PCDHGA12: variants seen among roughly 807,000 people sequenced by gnomAD.
PCDHGA12 encodes the protein protocadherin gamma-A12.
Under a neutral mutation model 61.1 loss-of-function variants are expected in PCDHGA12, and 43 were observed. That is an observed-to-expected ratio of 0.70 (90% confidence interval 0.55 to 0.91). The LOEUF is 0.91. PCDHGA12 is among the 40% of genes least tolerant of loss of function. The probability of loss-of-function intolerance (pLI) is 0.00; values close to 1 mark genes in which losing one functional copy is unlikely to be tolerated. For missense variants in PCDHGA12, 1,236 were observed against 1,227.7 expected (o/e 1.01, Z -0.10); for synonymous variants, 520 against 542.9 (o/e 0.96, Z 0.59).
In PCDHGA12 at chr5:141,490,761, G is replaced by GTA. The variant is rs1380770489; in HGVS notation, c.2425-4044_2425-4043dup. The GTA allele has an allele frequency of 6.2e-7, 1 of 1,614,048 alleles. No individual in the cohort carries two copies. The highest frequency in any genetic ancestry group is 1.3e-5 in the African/African-American group (1 of 74,920). On this transcript the variant is annotated intron_variant, in intron 1 of 3. Coordinates refer to ENST00000252085, the MANE Select transcript of PCDHGA12 (RefSeq NM_003735.3). The surrounding 1 kb of genome is among the most constrained non-coding windows in gnomAD (Gnocchi z 5.4). ...AGGGAGCCCCAGCCTCCTCCTTTGT[G>GTA]TATGTCAACCCAGAGGATGGACGGA...
At chr5:141,470,548 A>G (rs2099232978) in intron 1 of PCDHGA12, among the ~76,000 whole-genome samples, 1 of 152,182 alleles carries the variant, frequency 6.6e-6, no homozygotes, top group Non-Finnish European at 1.5e-5. Context: ...ATATTTATTG[A>G]GAGTTTCCTC....
chr5:141,491,855 G>A lies in PCDHGA12; in HGVS notation c.2425-2952G>A. ...TTCTCGGGATCATTGGACCGTTTGC[G>A]CGAAACCAGAGTGGCCGATTAAGGG... On this transcript the variant is annotated intron_variant, in intron 1 of 3. Coordinates refer to ENST00000252085, the MANE Select transcript of PCDHGA12 (RefSeq NM_003735.3). The surrounding 1 kb of genome is among the most constrained non-coding windows in gnomAD (Gnocchi z 6.9). The A allele has an allele frequency of 2.7e-6, 4 of 1,459,380 alleles. No individual in the cohort carries two copies. The highest frequency in any genetic ancestry group is 3.6e-6 in the Non-Finnish European group (4 of 1,103,492). The allele number at this position is 1,459,380 out of a possible 1,614,324, so 90.4% of individuals were successfully genotyped here. A position where few individuals can be genotyped will look rare whatever the true frequency, so the allele number is the denominator to read the frequency against.
chr5:141,471,637 T>G (rs1284100810), intron 1 of PCDHGA12: 1 of 152,198 alleles, frequency 6.6e-6, no homozygotes, highest in Non-Finnish European at 1.5e-5. Context: ...TATGGATTAG[T>G]AATATACTGG....
chr5:141,431,020 G>A lies in PCDHGA12; in HGVS notation c.261G>A (p.Ala87=), dbSNP rs941765907. The change falls in exon 1 of 4, where the codon GCG becomes GCA. Residue 87 remains alanine (A), a synonymous_variant. Transcript: ENST00000252085. This position sits in a 1 kb window ranked among gnomAD's most constrained non-coding sequence, Gnocchi z 4.8. ...CGCGCAGCGGCAGCTTGGTCACGGC[G>A]GGCAGGATAGACCGGGAGGAGCTCT... The part of the protein sequence containing the change: ...LNPRSGSLVT[A]GRIDREELCM... The A allele has an allele frequency of 9.9e-6, 16 of 1,614,050 alleles. No homozygotes were observed. Among genetic ancestry groups the A allele is most frequent in the East Asian group, 4.5e-5 (2 of 44,886 alleles).
At position 141,476,786 on chromosome 5, in the gene PCDHGA12, C is replaced by G. The variant is rs2099398607; in HGVS notation, c.2425-18021C>G. 3.1e-6 allele frequency: 5 copies of G among 1,613,444 alleles called. No individual in the cohort carries two copies. The highest frequency in any genetic ancestry group is 1.7e-5 in the Admixed American group (1 of 60,000). ...GGCGTTGGACGGAGGGACCCCAGCTCTCTCCGCCAGCCTGCCTATTCACAT... is the reference window on the plus strand; with the variant it reads ...GGCGTTGGACGGAGGGACCCCAGCTGTCTCCGCCAGCCTGCCTATTCACAT... On this transcript the variant is annotated intron_variant, in intron 1 of 3. Coordinates refer to ENST00000252085, the MANE Select transcript of PCDHGA12 (RefSeq NM_003735.3). The surrounding 1 kb of genome is among the most constrained non-coding windows in gnomAD (Gnocchi z 7.6).
rs1353509218 is a variant in PCDHGA12, at chr5:141,512,908, TTTATACTC to T, written c.*1737_*1744del. ...CCCTCTTCCTGTGTCTCACGCAAGTTTTATACTCTAATATTTATATGGCTTTTTTTCTT... is the reference window on the plus strand; with the variant it reads ...CCCTCTTCCTGTGTCTCACGCAAGTTTAATATTTATATGGCTTTTTTTCTT... On this transcript the variant is annotated 3_prime_UTR_variant, in exon 4 of 4. Transcript: ENST00000252085. 6.6e-6 allele frequency: 1 copy of T among 152,268 alleles called. No individual in the cohort carries two copies. Among genetic ancestry groups the T allele is most frequent in the Non-Finnish European group, 1.5e-5 (1 of 68,054 alleles). 9.4% of individuals were successfully genotyped at this position (152,268 alleles called of 1,614,324 possible).
In PCDHGA12 at chr5:141,477,453, A is replaced by T; in HGVS notation, c.2425-17354A>T. On this transcript the variant is annotated intron_variant, in intron 1 of 3. Transcript: ENST00000252085. This position sits in a 1 kb window ranked among gnomAD's most constrained non-coding sequence, Gnocchi z 4.9. Reference sequence around the variant, plus strand: ...TCAGCCCTTACAATAGTGCGTGTTCAAGTGTCCGACATCAATGACAACCCT... The same window carrying T: ...TCAGCCCTTACAATAGTGCGTGTTCTAGTGTCCGACATCAATGACAACCCT... The T allele has an allele frequency of 6.2e-7, 1 of 1,614,136 alleles. No homozygotes were observed. The highest frequency in any genetic ancestry group is 8.5e-7 in the Non-Finnish European group (1 of 1,180,026).
At chr5:141,471,095 C>T (rs1266802067) in intron 1 of PCDHGA12, among the ~76,000 whole-genome samples, 1 of 144,764 alleles carries the variant, frequency 6.9e-6, no homozygotes, top group East Asian at 2.0e-4. Context: ...GTTGTCCAGG[C>T]TAGAGTGCAG....
Position 141,432,403 on chromosome 5 carries a change from G to A in PCDHGA12, c.1644G>A (p.Leu548=), listed in dbSNP as rs1279890312. The A allele has an allele frequency of 6.2e-7, 1 of 1,614,242 alleles. No homozygotes were observed. The highest frequency in any genetic ancestry group is 8.5e-7 in the Non-Finnish European group (1 of 1,180,052). Residue 548 remains leucine (L), a synonymous_variant, in exon 1 of 4, where the codon TTG becomes TTA. Coordinates refer to ENST00000252085, the MANE Select transcript of PCDHGA12 (RefSeq NM_003735.3). The surrounding 1 kb of genome is among the most constrained non-coding windows in gnomAD (Gnocchi z 6.0). ...CGCCCCTCAGCAGCAACGTGTCGTT[G>A]AGCCTGTTCGTGCTGGACCAGAACG... The part of the protein sequence containing the change: ...GHPPLSSNVS[L]SLFVLDQNDN...
In PCDHGA12 at chr5:141,486,866, G is replaced by A; in HGVS notation, c.2425-7941G>A. Reference sequence around the variant, plus strand: ...GGACCTCAATGACAATGCTCCAGCTGTGCTCCGTCCTCGGGCCCGGCCTGG... The same window carrying A: ...GGACCTCAATGACAATGCTCCAGCTATGCTCCGTCCTCGGGCCCGGCCTGG... On this transcript the variant is annotated intron_variant, in intron 1 of 3. Transcript: ENST00000252085. The surrounding 1 kb of genome is among the most constrained non-coding windows in gnomAD (Gnocchi z 5.0). 6.2e-7 allele frequency: 1 copy of A among 1,614,202 alleles called. No homozygotes were observed. The highest frequency in any genetic ancestry group is 8.5e-7 in the Non-Finnish European group (1 of 1,180,038).
In PCDHGA12 at chr5:141,461,484, T is replaced by C. The variant is rs1171584384; in HGVS notation, c.2424+28301T>C. On this transcript the variant is annotated intron_variant, in intron 1 of 3. Transcript: ENST00000252085. ...GTCCTTTGCCTACTTTTTAATGGGATTGTGTTTTATTTTTCTTGGTGATTT... is the reference window on the plus strand; with the variant it reads ...GTCCTTTGCCTACTTTTTAATGGGACTGTGTTTTATTTTTCTTGGTGATTT... 2.6e-5 allele frequency among the ~76,000 whole-genome samples: 4 copies of C among 152,152 alleles called. No homozygotes were observed. In the East Asian group the frequency reaches 7.7e-4, roughly 29 times the overall value.
At chr5:141,478,247 G>C (rs1377698933) in intron 1 of PCDHGA12, 1 of 1,613,956 alleles carries the variant, frequency 6.2e-7, no homozygotes, top group Non-Finnish European at 8.5e-7. Context: ...CACAGTGTTC[G>C]GAGTAATCAT....
At chr5:141,451,597 C>CAAGG (rs1434393705) in intron 1 of PCDHGA12, among the ~76,000 whole-genome samples, 3 of 152,076 alleles carry the variant, frequency 2.0e-5, no homozygotes, top group Non-Finnish European at 2.9e-5. Flanking sequence ...AAGTGACATA[C>CAAGG]AAGGCTAGGC....
intron 1 of PCDHGA12, among the ~76,000 whole-genome samples, chr5:141,479,996 G>A (rs759188600): frequency 7.2e-5 from 11 of 152,244 alleles, no homozygotes; most frequent in Middle Eastern, 3.2e-3. Context: ...CTAGGAGTCT[G>A]TGGCCAAGTT....
chr5:141,472,980 C>CAAAAAAAAA (rs60579131), intron 1 of PCDHGA12, among the ~76,000 whole-genome samples: 30 of 86,054 alleles, frequency 3.5e-4, no homozygotes, highest in African/African-American at 5.0e-4. Context: ...GAGTGAAACT[C>CAAAAAAAAA]AAAAAAAAAA....
intron 1 of PCDHGA12, chr5:141,441,988 A>G: frequency 3.7e-6 from 1 of 269,936 alleles, no homozygotes; most frequent in Non-Finnish European, 7.3e-6. Flanking sequence ...ATGCGCACCG[A>G]CGAGGTGCTG....
rs2099410057 is a variant in PCDHGA12, at chr5:141,477,370, G to C, written c.2425-17437G>C. The C allele has an allele frequency of 6.2e-7, 1 of 1,614,054 alleles. No homozygotes were observed. On this transcript the variant is annotated intron_variant, in intron 1 of 3. Coordinates refer to ENST00000252085, the MANE Select transcript of PCDHGA12 (RefSeq NM_003735.3). This position sits in a 1 kb window ranked among gnomAD's most constrained non-coding sequence, Gnocchi z 4.9. The stretch of plus-strand genomic sequence containing the variant: ...AAACCAGTGCAGACCTGGATCGGGA[G>C]ACTGTGCCAGAATACAACCTCAGCA...
At chr5:141,455,013 C>T (rs1468289988) in intron 1 of PCDHGA12, among the ~76,000 whole-genome samples, 2 of 151,130 alleles carry the variant, frequency 1.3e-5, no homozygotes, top group African/African-American at 4.9e-5. Context: ...GGGGTTTCAC[C>T]GTGTTAGCCA....
intron 1 of PCDHGA12, among the ~76,000 whole-genome samples, chr5:141,471,869 G>A (rs1234106506): frequency 6.6e-6 from 1 of 152,172 alleles, no homozygotes; most frequent in Non-Finnish European, 1.5e-5. Flanking sequence ...AACTGTGGTT[G>A]CCTGAGGCTG....
Sources: gnomAD v4.1 joint callset for allele counts (sites outside exome capture counted in the v4.1 genomes callset) on GRCh38, gnomAD v4.1.1 for gene constraint, Gnocchi (gnomAD v3.1) non-coding constraint, MANE v1.5 for transcripts, NCBI Gene and HGNC (gene_info 2026-07-23, HGNC 2026-07-21) for gene names.